WLS: variants seen among roughly 807,000 people sequenced by gnomAD.
WLS encodes protein wntless homolog.
In WLS, 23 loss-of-function variants were observed where a neutral mutation model predicts 62.8. That is an observed-to-expected ratio of 0.37 (90% CI 0.26 to 0.52). The LOEUF (loss-of-function observed/expected upper bound fraction) is 0.52. WLS is among the 20% of genes least tolerant of loss of function. WLS has a pLI of 0.92. For synonymous variants in WLS, 246 were observed against 244.1 expected (o/e 1.01, Z -0.07); for missense variants, 615 against 697.3 (o/e 0.88, Z 1.33).
At chr1:68,113,770 C>A (rs1646256882) in intron 11 of WLS, among the ~76,000 whole-genome samples, 1 of 152,112 alleles carries the variant, frequency 6.6e-6, no homozygotes, top group African/African-American at 2.4e-5. Flanking sequence ...CAATATGCTC[C>A]CAGGTGAACT....
Position 68,158,690 on chromosome 1 carries a change from G to A in WLS, c.504+433C>T, listed in dbSNP as rs1010058742. ...AGCCGTCCTGGGCTGCATGCGGCCC[G>A]CAGGCAGAGTTGGACAAGCTTGATC... On this transcript the variant is annotated intron_variant, in intron 3 of 11. Coordinates refer to ENST00000262348, the MANE Select transcript of WLS (RefSeq NM_024911.7). 7.9e-5 allele frequency among the ~76,000 whole-genome samples: 12 copies of A among 152,176 alleles called. No individual in the cohort carries two copies. In the East Asian group the frequency reaches 1.5e-3, roughly 20 times the overall value.
chr1:68,116,109 T>TC (rs1646288437), intron 11 of WLS, among the ~76,000 whole-genome samples: 1 of 152,152 alleles, frequency 6.6e-6, no homozygotes, highest in South Asian at 2.1e-4. Context: ...GGTTGCTCCC[T>TC]CCCCATTAAT....
chr1:68,157,998 G>A (rs1646921836), intron 3 of WLS, among the ~76,000 whole-genome samples: 1 of 152,192 alleles, frequency 6.6e-6, no homozygotes, highest in Non-Finnish European at 1.5e-5. Flanking sequence ...AATGTTAGCT[G>A]TTCCTCTCTC....
downstream of WLS, among the ~76,000 whole-genome samples, chr1:68,120,788 C>A (rs1481064894): frequency 6.6e-6 from 1 of 152,104 alleles, no homozygotes; most frequent in Non-Finnish European, 1.5e-5. Context: ...GCCAAAGGAG[C>A]TTTTTCTGGC....
At chr1:68,182,421 T>TTA (rs1428219501) in intron 2 of WLS, among the ~76,000 whole-genome samples, 2 of 152,240 alleles carry the variant, frequency 1.3e-5, no homozygotes, top group Non-Finnish European at 2.9e-5. Flanking sequence ...TGCCTGAAGA[T>TTA]TTCCTCAAAG....
At chr1:68,177,434 C>CA (rs1236305119) in intron 2 of WLS, among the ~76,000 whole-genome samples, 1 of 152,244 alleles carries the variant, frequency 6.6e-6, no homozygotes, top group East Asian at 1.9e-4. Context: ...TCTGAACACT[C>CA]AGCCCTGCCA....
In WLS at chr1:68,215,945, G is replaced by A. The variant is rs185128136; in HGVS notation, c.106+16249C>T. Reference sequence around the variant, plus strand: ...GTTCTAAAGACCCAGATTCCACCCGGGGAAAGAGAAAAACTCTGGACACCC... The same window carrying A: ...GTTCTAAAGACCCAGATTCCACCCGAGGAAAGAGAAAAACTCTGGACACCC... On this transcript the variant is annotated intron_variant, in intron 1 of 11. Coordinates refer to ENST00000262348, the MANE Select transcript of WLS (RefSeq NM_024911.7). Among the ~76,000 whole-genome samples, 4 of 152,190 alleles carry A rather than the reference G, an allele frequency of 2.6e-5. No homozygotes were observed. The East Asian group carries it at 7.7e-4, about 29-fold the overall frequency.
At chr1:68,224,030 A>G (rs1650041282) in intron 1 of WLS, among the ~76,000 whole-genome samples, 2 of 152,244 alleles carry the variant, frequency 1.3e-5, no homozygotes, top group African/African-American at 4.8e-5. Flanking sequence ...AACAAATGTA[A>G]TAACTTGGCC....
intron 1 of WLS, among the ~76,000 whole-genome samples, chr1:68,197,464 C>T (rs2100614365): frequency 6.6e-6 from 1 of 152,236 alleles, no homozygotes; most frequent in Admixed American, 6.5e-5. Context: ...AAAATGCTTT[C>T]CATAACTTCA....
downstream of WLS, among the ~76,000 whole-genome samples, chr1:68,124,546 TC>T (rs5774911): frequency 0.27 from 41,005 of 152,096 alleles, 5,751 homozygotes; most frequent in Middle Eastern, 0.41. Context: ...AGAGAAACGT[TC>T]CCTCTATCTT....
intron 7 of WLS, among the ~76,000 whole-genome samples, 162 bp from the exon 8 acceptor site, chr1:68,148,361 C>G (rs1646780189): frequency 6.6e-6 from 1 of 152,216 alleles, no homozygotes; most frequent in South Asian, 2.1e-4. Context: ...TTGTAGAATA[C>G]ATCGGCCCAA....
At chr1:68,168,173 C>G (rs537153860) in intron 2 of WLS, among the ~76,000 whole-genome samples, 1 of 151,970 alleles carries the variant, frequency 6.6e-6, no homozygotes, top group Non-Finnish European at 1.5e-5. Context: ...AGGGCAGCTG[C>G]TTAATGTAAG....
chr1:68,198,043 A>T (rs537539029), intron 1 of WLS, among the ~76,000 whole-genome samples: 12 of 152,244 alleles, frequency 7.9e-5, no homozygotes, highest in African/African-American at 2.9e-4. Flanking sequence ...GCTAAAAATA[A>T]CCACTCCCCA....
At chr1:68,184,649 A>G (rs1242349746) in intron 2 of WLS, among the ~76,000 whole-genome samples, 1 of 152,206 alleles carries the variant, frequency 6.6e-6, no homozygotes, top group Non-Finnish European at 1.5e-5. Flanking sequence ...GAAATCCCAT[A>G]TCCCTAACAA....
At position 68,213,970 on chromosome 1, in the gene WLS, G is replaced by A. The variant is rs565908573; in HGVS notation, c.106+18224C>T. Among the ~76,000 whole-genome samples the A allele has an allele frequency of 5.9e-5, 9 of 152,180 alleles. No homozygotes were observed. In the South Asian group the frequency reaches 1.0e-3, roughly 18 times the overall value. ...CCAACCATCCCCAGCACTACTGCTC[G>A]GCTTGGGCAGTCATTAAAGCTTCTC... On this transcript the variant is annotated intron_variant, in intron 1 of 11. Transcript: ENST00000262348.
chr1:68,104,296 A>C (rs572734138), intron 11 of WLS, among the ~76,000 whole-genome samples: 1 of 152,324 alleles, frequency 6.6e-6, no homozygotes, highest in South Asian at 2.1e-4. Context: ...CACTACCATT[A>C]TCGGTGGAGA....
intron 1 of WLS, among the ~76,000 whole-genome samples, chr1:68,201,304 G>A (rs192877248): frequency 3.3e-5 from 5 of 152,172 alleles, no homozygotes; most frequent in Non-Finnish European, 5.9e-5. Context: ...TAATTAGAAT[G>A]AGCTCTTCAA....
chr1:68,117,745 G>A (rs888640001), intron 11 of WLS: 1 of 152,432 alleles, frequency 6.6e-6, no homozygotes, highest in Non-Finnish European at 1.5e-5. Flanking sequence ...GAGTTCCCGG[G>A]GAGCTTCTGG....
At chr1:68,098,537 C>T in exon 12 of WLS, 9 of 1,518,918 alleles carry the variant, frequency 5.9e-6, no homozygotes, top group Non-Finnish European at 8.0e-6. Context: ...GAGATAAAGG[C>T]TAAATGAGTG....
Sources: gnomAD v4.1 joint callset for allele counts (sites outside exome capture counted in the v4.1 genomes callset) on GRCh38, gnomAD v4.1.1 for gene constraint, MANE v1.5 for transcripts, NCBI Gene and HGNC (gene_info 2026-07-23, HGNC 2026-07-21) for gene names.